The following MYO9A variants were observed in gnomAD, a reference collection of about 807,000 sequenced individuals.
MYO9A encodes myosin IXA.
In MYO9A, 103 loss-of-function variants were observed where a neutral mutation model predicts 293.3. The ratio of observed to expected loss-of-function variants is 0.35; its 90% CI spans 0.30 to 0.41. The LOEUF is 0.41. MYO9A is among the 10% of genes least tolerant of loss of function. MYO9A has a pLI of 1.00. For missense variants in MYO9A, 2,685 were observed against 3,033.0 expected (o/e 0.89, Z 2.69); for synonymous variants, 1,001 against 1,035.7 (o/e 0.97, Z 0.64).
intron 12 of MYO9A, among the ~76,000 whole-genome samples, chr15:71,969,275 T>A (rs925058615): frequency 1.3e-5 from 2 of 152,180 alleles, no homozygotes; most frequent in African/African-American, 2.4e-5. Context: ...TTCAAATATC[T>A]CTTCCTCAAA....
At chr15:71,829,995 T>TG (rs2054652253) in intron 40 of MYO9A, 114 bp downstream of exon 40, 13 of 1,081,790 alleles carry the variant, frequency 1.2e-5, no homozygotes, top group Non-Finnish European at 1.8e-5. Flanking sequence ...CTGTATCATC[T>TG]GACACAGTGT....
At chr15:72,040,317 A>G (rs1234465876) in intron 2 of MYO9A, 1 of 152,322 alleles carries the variant, frequency 6.6e-6, no homozygotes, top group Non-Finnish European at 1.5e-5. Flanking sequence ...AGAATGAGAC[A>G]GGCAAGTAAC....
intron 2 of MYO9A, chr15:72,040,299 T>C (rs2078188370): frequency 6.6e-6 from 1 of 152,218 alleles, no homozygotes; most frequent in East Asian, 1.9e-4. Context: ...TGCACTTCTT[T>C]AGAGGGGAGA....
chr15:72,078,476 T>C (rs2079440607), intron 1 of MYO9A, among the ~76,000 whole-genome samples: 1 of 152,002 alleles, frequency 6.6e-6, no homozygotes, highest in African/African-American at 2.4e-5. Flanking sequence ...TGTGGGACCC[T>C]GTCTCAAAAG....
rs542259709 is a variant in MYO9A, at chr15:71,945,954, GA to G, written c.2302+5822del. ...TAAAATAGAATGAGCGTGGTATTAA[GA>G]CAAACTTTTTCTCCATCTACTGAGA... On this transcript the variant is annotated intron_variant, in intron 15 of 41. Transcript: ENST00000356056. Among the ~76,000 whole-genome samples the G allele has an allele frequency of 4.6e-5, 7 of 152,266 alleles. No homozygotes were observed. In the East Asian group the frequency reaches 9.6e-4, roughly 21 times the overall value.
At chr15:72,058,902 ATGCAGTGTTCTG>A (rs2078799340) in intron 1 of MYO9A, among the ~76,000 whole-genome samples, 1 of 152,240 alleles carries the variant, frequency 6.6e-6, no homozygotes, top group Admixed American at 6.5e-5. Flanking sequence ...AGGATTTTTA[ATGCAGTGTTCTG>A]TGCAGTGTTC....
chr15:72,085,373 CAG>C (rs2079685100), intron 1 of MYO9A, among the ~76,000 whole-genome samples: 1 of 145,354 alleles, frequency 6.9e-6, no homozygotes, highest in Non-Finnish European at 1.5e-5. Context: ...AGCCTGGCGA[CAG>C]AGTGAGAGAG....
chr15:72,100,876 G>A (rs1335677533), intron 1 of MYO9A, among the ~76,000 whole-genome samples: 5 of 143,800 alleles, frequency 3.5e-5, no homozygotes, highest in African/African-American at 1.0e-4. Flanking sequence ...AGGTGGGGGG[G>A]GTCAGCCCCC....
Position 71,898,660 on chromosome 15 carries a change from C to T in MYO9A, c.3843G>A (p.Glu1281=), listed in dbSNP as rs1173709168. 1.2e-6 allele frequency: 2 copies of T among 1,614,036 alleles called. No individual in the cohort carries two copies. The highest frequency in any genetic ancestry group is 2.2e-5 in the South Asian group (2 of 91,068). ...KRESRRMREL[E]QAIFSLELLK... is the part of the protein sequence containing the mutation. ...GCAATTCTAAGCTAAATATAGCTTG[C>T]TCTAGTTCTCTCATTCTCCTACTTT... Residue 1281 remains glutamate, a synonymous_variant, in exon 25 of 42, where the codon GAG becomes GAA. Transcript: ENST00000356056.
In MYO9A at chr15:71,989,962, G is replaced by A. The variant is rs565509797; in HGVS notation, c.1722+1141C>T. On this transcript the variant is annotated intron_variant, in intron 11 of 41. Transcript: ENST00000356056. ...GGGGACTCCTTAAGCCCCAGAGGTC[G>A]ACACAGTGAGCCAAGATCACGCCAC... 5.3e-5 allele frequency among the ~76,000 whole-genome samples: 8 copies of A among 152,062 alleles called. No individual in the cohort carries two copies. In the South Asian group the frequency reaches 1.7e-3, roughly 32 times the overall value.
At chr15:71,961,612 C>G (rs1244167872) in intron 13 of MYO9A, among the ~76,000 whole-genome samples, 4 of 152,196 alleles carry the variant, frequency 2.6e-5, no homozygotes, top group Non-Finnish European at 4.4e-5. Flanking sequence ...ATCTTGGCTC[C>G]TATCACACAA....
chr15:71,909,772 A>G (rs2057776852), intron 19 of MYO9A, among the ~76,000 whole-genome samples: 1 of 152,144 alleles, frequency 6.6e-6, no homozygotes. Flanking sequence ...TACTGTTGTG[A>G]AATTACATCA....
At chr15:71,851,219 T>G in intron 37 of MYO9A, 34 bp downstream of exon 37, 1 of 1,462,834 alleles carries the variant, frequency 6.8e-7, no homozygotes, top group Non-Finnish European at 9.5e-7. Flanking sequence ...CAAGAGAAAC[T>G]ATTAAAAATC....
intron 18 of MYO9A, among the ~76,000 whole-genome samples, chr15:71,926,849 T>C (rs1336315912): frequency 6.6e-6 from 1 of 152,044 alleles, no homozygotes; most frequent in Non-Finnish European, 1.5e-5. Context: ...CAAAGCATAG[T>C]GGTTCTGTAG....
At chr15:71,878,989 T>C (rs2056788367) in intron 30 of MYO9A, among the ~76,000 whole-genome samples, 1 of 152,012 alleles carries the variant, frequency 6.6e-6, no homozygotes, top group South Asian at 2.1e-4. Context: ...ACTCCTGACC[T>C]CATGACCTAC....
chr15:71,944,179 AT>A (rs1171188521), intron 15 of MYO9A, among the ~76,000 whole-genome samples: 2 of 152,114 alleles, frequency 1.3e-5, no homozygotes, highest in Non-Finnish European at 2.9e-5. Flanking sequence ...TCTTTTGCCC[AT>A]TTAAAAACTG....
At chr15:71,900,719 G>A (rs969052486) in intron 23 of MYO9A, among the ~76,000 whole-genome samples, 12 of 151,924 alleles carry the variant, frequency 7.9e-5, no homozygotes, top group African/African-American at 2.9e-4. Context: ...CAAAGATGAA[G>A]ATACTAAAGA....
At chr15:72,007,733 A>G in intron 8 of MYO9A, 93 bp downstream of exon 8, 1 of 1,201,340 alleles carries the variant, frequency 8.3e-7, no homozygotes, top group Non-Finnish European at 1.1e-6. Context: ...TATTAACAGA[A>G]AGCATTAACC....
intron 32 of MYO9A, among the ~76,000 whole-genome samples, chr15:71,867,991 A>T (rs1433119679): frequency 6.6e-6 from 1 of 152,200 alleles, no homozygotes; most frequent in Non-Finnish European, 1.5e-5. Context: ...ACAAATTACC[A>T]TAAATTCAGT....
Sources: allele counts gnomAD v4.1 joint callset (sites outside exome capture counted in the v4.1 genomes callset), GRCh38; gene constraint gnomAD v4.1.1; transcripts MANE v1.5; gene names NCBI Gene and HGNC (gene_info 2026-07-23, HGNC 2026-07-21).